Variants in OPCML observed in about 807,000 individuals in gnomAD.
OPCML encodes opioid binding protein/cell adhesion molecule like.
Under a neutral mutation model 37.8 loss-of-function variants are expected in OPCML, and 13 were observed. That is an observed-to-expected ratio of 0.34 (90% CI 0.22 to 0.55). The LOEUF (loss-of-function observed/expected upper bound fraction) is 0.55, where lower values mean the gene tolerates loss of function less well. Ranked by LOEUF, OPCML falls within the 20% of genes least tolerant of loss-of-function variation. OPCML has a pLI of 0.91. For synonymous variants in OPCML, 176 were observed against 168.8 expected (o/e 1.04, Z -0.33); for missense variants, 341 against 435.6 (o/e 0.78, Z 1.93).
chr11:133,508,988 A>T (rs1426254264), intron 1 of OPCML, among the ~76,000 whole-genome samples: 194 of 150,642 alleles, frequency 1.3e-3, no homozygotes, highest in African/African-American at 2.1e-3. Flanking sequence ...TTTTTTTTTT[A>T]AATTTAAATT....
At chr11:132,738,504 G>C (rs1945330379) in intron 2 of OPCML, among the ~76,000 whole-genome samples, 1 of 152,176 alleles carries the variant, frequency 6.6e-6, no homozygotes, top group East Asian at 1.9e-4. Context: ...ATTCTATAAA[G>C]AATGTCCTGT....
chr11:132,605,303 A>C (rs1938209095), intron 3 of OPCML, among the ~76,000 whole-genome samples: 1 of 152,096 alleles, frequency 6.6e-6, no homozygotes, highest in Admixed American at 6.5e-5. Flanking sequence ...CACGCCTGTA[A>C]TCCTAGCACT....
At chr11:133,373,678 G>A (rs1212265609) in intron 1 of OPCML, among the ~76,000 whole-genome samples, 1 of 151,362 alleles carries the variant, frequency 6.6e-6, no homozygotes, top group African/African-American at 2.4e-5. Flanking sequence ...AATAAATTAA[G>A]TGACATCTGA....
In OPCML at chr11:133,147,799, G is replaced by A. The variant is rs190609431; in HGVS notation, c.62-204789C>T. Among the ~76,000 whole-genome samples the A allele has an allele frequency of 1.8e-4, 27 of 152,230 alleles. No homozygotes were observed. In the East Asian group the frequency reaches 3.5e-3, roughly 20 times the overall value. On this transcript the variant is annotated intron_variant, in intron 1 of 7. Transcript: ENST00000524381. Reference sequence around the variant, plus strand: ...AATCCCTGTCCTTGAGGAATTCACCGGTTCACACTGTTACTCATCACTTGT... The same window carrying A: ...AATCCCTGTCCTTGAGGAATTCACCAGTTCACACTGTTACTCATCACTTGT...
At chr11:133,432,067 G>A (rs76536977) in intron 1 of OPCML, among the ~76,000 whole-genome samples, 4,781 of 152,072 alleles carry the variant, frequency 0.031, 240 homozygotes, top group African/African-American at 0.11. Flanking sequence ...ACATAAAGAA[G>A]GGGACAGTAG....
chr11:133,050,249 C>G (rs1948105684), intron 1 of OPCML, among the ~76,000 whole-genome samples: 1 of 152,178 alleles, frequency 6.6e-6, no homozygotes, highest in Non-Finnish European at 1.5e-5. Flanking sequence ...TCTTGTGTAG[C>G]CATCATCTGC....
At chr11:132,457,123 C>A (rs2096085177) in intron 4 of OPCML, among the ~76,000 whole-genome samples, 1 of 152,132 alleles carries the variant, frequency 6.6e-6, no homozygotes. Flanking sequence ...GATGAATTAG[C>A]ATAATCAACA....
chr11:133,334,277 T>C (rs1470603434), intron 1 of OPCML, among the ~76,000 whole-genome samples: 1 of 151,750 alleles, frequency 6.6e-6, no homozygotes, highest in East Asian at 1.9e-4. Context: ...ATAAAGAAAA[T>C]GTGGTACATA....
chr11:132,458,807 A>G (rs546627751), intron 4 of OPCML, among the ~76,000 whole-genome samples: 1 of 152,298 alleles, frequency 6.6e-6, no homozygotes, highest in African/African-American at 2.4e-5. Context: ...AGATCCCCAC[A>G]TCTGCTTCCA....
chr11:133,008,260 G>A lies in OPCML; in HGVS notation c.62-65250C>T, dbSNP rs865943811. The A allele has an allele frequency of 9.1e-6, 9 of 985,274 alleles. No homozygotes were observed. In the African/African-American group the frequency reaches 1.0e-4, roughly 11 times the overall value. The allele number at this position is 985,274 out of a possible 1,614,324, so 61.0% of individuals were successfully genotyped here. ...TTGTGACTTAGTAGAGCAAGAAATTGGGTGAATCATAGAGAGTTGACAATC... is the reference window on the plus strand; with the variant it reads ...TTGTGACTTAGTAGAGCAAGAAATTAGGTGAATCATAGAGAGTTGACAATC... On this transcript the variant is annotated intron_variant, in intron 1 of 7. Coordinates refer to ENST00000524381, the MANE Select transcript of OPCML (RefSeq NM_001012393.5).
chr11:132,637,978 C>T (rs1202133371), intron 3 of OPCML, among the ~76,000 whole-genome samples: 1 of 152,064 alleles, frequency 6.6e-6, no homozygotes, highest in African/African-American at 2.4e-5. Flanking sequence ...CTGTCCTACC[C>T]ACCTCATGGG....
intron 1 of OPCML, among the ~76,000 whole-genome samples, chr11:133,224,489 G>A (rs1939957076): frequency 1.3e-5 from 2 of 152,146 alleles, no homozygotes; most frequent in African/African-American, 2.4e-5. Context: ...TTATGCCTCA[G>A]CTTAGAGGGC....
At chr11:133,494,915 T>C (rs1947749252) in intron 1 of OPCML, among the ~76,000 whole-genome samples, 1 of 152,050 alleles carries the variant, frequency 6.6e-6, no homozygotes, top group Non-Finnish European at 1.5e-5. Flanking sequence ...GTTTTTTCAA[T>C]TTTATTTTTC....
In OPCML at chr11:132,473,171, G is replaced by T. The variant is rs1361387329; in HGVS notation, c.506-35812C>A. On this transcript the variant is annotated intron_variant, in intron 4 of 7. Coordinates refer to ENST00000524381, the MANE Select transcript of OPCML (RefSeq NM_001012393.5). ...AGCAAATGCCAAGTGAATGACCTTTGGCAAAGCCATTCCCAGGGGCAGATT... is the reference window on the plus strand; with the variant it reads ...AGCAAATGCCAAGTGAATGACCTTTTGCAAAGCCATTCCCAGGGGCAGATT... Among the ~76,000 whole-genome samples, 4 of 152,158 alleles carry T rather than the reference G, an allele frequency of 2.6e-5. No homozygotes were observed. In the East Asian group the frequency reaches 7.7e-4, roughly 29 times the overall value.
intron 1 of OPCML, 43 bp downstream of exon 1, chr11:133,532,221 C>T: frequency 6.2e-7 from 1 of 1,604,956 alleles, no homozygotes; most frequent in Non-Finnish European, 8.5e-7. Flanking sequence ...TCACGTCGTA[C>T]AATCACCCCA....
At chr11:132,898,659 A>G (rs1437850789) in intron 2 of OPCML, among the ~76,000 whole-genome samples, 1 of 152,208 alleles carries the variant, frequency 6.6e-6, no homozygotes, top group Non-Finnish European at 1.5e-5. Context: ...ACATGGAGTC[A>G]GGAATCACAG....
chr11:133,431,371 T>C (rs1946111105), intron 1 of OPCML, among the ~76,000 whole-genome samples: 1 of 152,226 alleles, frequency 6.6e-6, no homozygotes, highest in Non-Finnish European at 1.5e-5. Flanking sequence ...GAGACACAGC[T>C]ATTTGTTTTA....
At chr11:133,098,497 G>T (rs1004875026) in intron 1 of OPCML, among the ~76,000 whole-genome samples, 1 of 152,130 alleles carries the variant, frequency 6.6e-6, no homozygotes, top group South Asian at 2.1e-4. Flanking sequence ...TTACAGGTGT[G>T]AGCCACTGTG....
intron 2 of OPCML, among the ~76,000 whole-genome samples, chr11:132,926,104 A>G (rs750260208): frequency 7.2e-5 from 11 of 152,232 alleles, no homozygotes; most frequent in African/African-American, 1.2e-4. Context: ...CCTGACCACC[A>G]TGGCAAGAAT....
Sources: gnomAD v4.1 joint callset for allele counts (sites outside exome capture counted in the v4.1 genomes callset) on GRCh38, gnomAD v4.1.1 for gene constraint, MANE v1.5 for transcripts, NCBI Gene and HGNC (gene_info 2026-07-23, HGNC 2026-07-21) for gene names.